Variants in TMEM63C observed in about 807,000 individuals in gnomAD.
TMEM63C encodes transmembrane protein 63C.
Under a neutral mutation model 99.2 loss-of-function variants are expected in TMEM63C, and 32 were observed. The observed-to-expected ratio is 0.32, with a 90% CI of 0.24 to 0.43. The LOEUF is 0.43. TMEM63C is among the 20% of genes least tolerant of loss of function. The pLI is 1.00. For missense variants in TMEM63C, 826 were observed against 1,053.0 expected (o/e 0.78, Z 2.98); for synonymous variants, 376 against 397.9 (o/e 0.94, Z 0.66).
intron 1 of TMEM63C, among the ~76,000 whole-genome samples, chr14:77,211,160 G>A (rs1013558964): frequency 3.3e-5 from 5 of 152,216 alleles, no homozygotes; most frequent in Non-Finnish European, 7.3e-5. Context: ...TAAAGTTTGA[G>A]CAAGGTCATC....
At chr14:77,253,267 G>A (rs1287330724) in intron 22 of TMEM63C, 38 bp from the exon 23 acceptor site, 6 of 1,596,802 alleles carry the variant, frequency 3.8e-6, no homozygotes, top group Non-Finnish European at 5.1e-6. Flanking sequence ...GGGGCAAAGA[G>A]CAGGCCTCCT....
intron 1 of TMEM63C, among the ~76,000 whole-genome samples, chr14:77,207,579 C>A (rs962911751): frequency 5.3e-5 from 8 of 152,226 alleles, no homozygotes. Flanking sequence ...GATTCTAATC[C>A]TGCCTTTGTC....
At chr14:77,219,387 G>T in intron 3 of TMEM63C, 111 bp from the exon 4 acceptor site, 1 of 1,060,630 alleles carries the variant, frequency 9.4e-7, no homozygotes, top group Non-Finnish European at 1.4e-6. Flanking sequence ...TAGTGGAGGA[G>T]CTCCCTGGGG....
chr14:77,250,585 G>A lies in TMEM63C; in HGVS notation c.2038+1127G>A, dbSNP rs1019085766. Among the ~76,000 whole-genome samples, 6 of 152,072 alleles carry A rather than the reference G, an allele frequency of 3.9e-5. No individual in the cohort carries two copies. The East Asian group carries it at 5.8e-4, about 15-fold the overall frequency. On this transcript the variant is annotated intron_variant, in intron 21 of 23. Transcript: ENST00000298351. ...CCCCTGAGTTGCTGGGACTACAGGC[G>A]GGTGCCACCACGCCCCGCTAATTTT...
At chr14:77,249,136 C>T (rs2140131290) in intron 20 of TMEM63C, among the ~76,000 whole-genome samples, 155 bp from the exon 21 acceptor site, 1 of 152,188 alleles carries the variant, frequency 6.6e-6, no homozygotes, top group South Asian at 2.1e-4. Context: ...GCTGCTGGCT[C>T]CGGAGGTCAG....
chr14:77,248,832 G>T lies in TMEM63C; in HGVS notation c.1830G>T (p.Val610=). The T allele has an allele frequency of 3.1e-6, 5 of 1,614,060 alleles. No homozygotes were observed. Among genetic ancestry groups the T allele is most frequent in the Non-Finnish European group, 4.2e-6 (5 of 1,179,906 alleles). The change falls in exon 20 of 24, where the codon GTG becomes GTT. Residue 610 remains valine (V), a synonymous_variant. Coordinates refer to ENST00000298351, the MANE Select transcript of TMEM63C (RefSeq NM_020431.4). The part of the protein sequence containing the change: ...YAWMMNVFSV[V]MAYSITCPII... ...GGATGATGAACGTGTTCAGCGTGGT[G>T]ATGGCGTACAGCATCACTTGCCCCA...
At chr14:77,209,123 C>G (rs1421117107) in intron 1 of TMEM63C, among the ~76,000 whole-genome samples, 2 of 152,172 alleles carry the variant, frequency 1.3e-5, no homozygotes, top group African/African-American at 4.8e-5. Flanking sequence ...AGTCTCCATG[C>G]ACTATGCCCT....
At chr14:77,219,612 C>T in intron 4 of TMEM63C, 35 bp downstream of exon 4, 3 of 1,609,784 alleles carry the variant, frequency 1.9e-6, no homozygotes, top group East Asian at 2.2e-5. Flanking sequence ...GCCGTTGCCC[C>T]CTTGGGGAAA....
intron 23 of TMEM63C, among the ~76,000 whole-genome samples, chr14:77,254,682 T>A (rs1052926067): frequency 3.3e-5 from 5 of 152,038 alleles, no homozygotes; most frequent in Non-Finnish European, 5.9e-5. Flanking sequence ...AGCAAGGGAG[T>A]GTCAGGACAA....
At position 77,190,497 on chromosome 14, in the gene TMEM63C, T is replaced by G. The variant is rs190554681; in HGVS notation, c.-77+8603T>G. ...AGAGAAAAATAACTAAAAAATCTTA[T>G]GAATAGTGGTGCAAAATTCATAAAT... On this transcript the variant is annotated intron_variant, in intron 1 of 23. Coordinates refer to ENST00000298351, the MANE Select transcript of TMEM63C (RefSeq NM_020431.4). Among the ~76,000 whole-genome samples the G allele has an allele frequency of 2.8e-4, 43 of 152,250 alleles. No homozygotes were observed. The East Asian group carries it at 7.3e-3, about 26-fold the overall frequency.
chr14:77,247,268 T>C (rs539096934), intron 18 of TMEM63C, among the ~76,000 whole-genome samples: 1 of 152,238 alleles, frequency 6.6e-6, no homozygotes, highest in African/African-American at 2.4e-5. Context: ...TGGCGCAATC[T>C]CGGCTCACTA....
chr14:77,190,138 T>G (rs185577164), intron 1 of TMEM63C, among the ~76,000 whole-genome samples: 1 of 152,140 alleles, frequency 6.6e-6, no homozygotes, highest in Admixed American at 6.5e-5. Flanking sequence ...TTATTATTAT[T>G]GGTACTGTGT....
chr14:77,191,833 C>G (rs1888116723), intron 1 of TMEM63C, among the ~76,000 whole-genome samples: 1 of 152,192 alleles, frequency 6.6e-6, no homozygotes, highest in South Asian at 2.1e-4. Context: ...CATGAGCCAC[C>G]AAGCCTGGCC....
At chr14:77,213,074 T>C (rs1045410663) in intron 1 of TMEM63C, among the ~76,000 whole-genome samples, 3 of 152,210 alleles carry the variant, frequency 2.0e-5, no homozygotes, top group Non-Finnish European at 2.9e-5. Context: ...TATTCTACAC[T>C]GTAGCCACTG....
intron 6 of TMEM63C, among the ~76,000 whole-genome samples, chr14:77,227,786 T>C (rs528622422): frequency 9.9e-5 from 15 of 151,808 alleles, no homozygotes; most frequent in African/African-American, 3.4e-4. Flanking sequence ...CTTTGGTGAG[T>C]TGGGTCTCTG....
At chr14:77,251,378 G>T (rs1328774143) in intron 21 of TMEM63C, among the ~76,000 whole-genome samples, 2 of 152,122 alleles carry the variant, frequency 1.3e-5, no homozygotes, top group Admixed American at 1.3e-4. Context: ...TTCCCTCTCT[G>T]TGCCATCGGT....
intron 1 of TMEM63C, among the ~76,000 whole-genome samples, chr14:77,203,334 A>T (rs927539521): frequency 6.6e-6 from 1 of 150,594 alleles, no homozygotes; most frequent in Non-Finnish European, 1.5e-5. Context: ...GTGAGCCAAG[A>T]TCCTGCCACT....
At chr14:77,216,958 G>A (rs780940069) in intron 2 of TMEM63C, among the ~76,000 whole-genome samples, 18 of 152,094 alleles carry the variant, frequency 1.2e-4, no homozygotes, top group Non-Finnish European at 2.5e-4. Flanking sequence ...TTGAATTCAG[G>A]AGTTTGAGAC....
chr14:77,210,919 C>T (rs572533527), intron 1 of TMEM63C, among the ~76,000 whole-genome samples: 3 of 152,312 alleles, frequency 2.0e-5, no homozygotes, highest in East Asian at 3.9e-4. Context: ...AGCCATAGCA[C>T]CTTTTCCTAG....
Sources: allele counts gnomAD v4.1 joint callset (sites outside exome capture counted in the v4.1 genomes callset), GRCh38; gene constraint gnomAD v4.1.1; transcripts MANE v1.5; gene names NCBI Gene and HGNC (gene_info 2026-07-23, HGNC 2026-07-21).